The following OR4E2 variants were observed in gnomAD, a reference collection of about 807,000 sequenced individuals.
OR4E2 encodes olfactory receptor family 4 subfamily E member 2, also known as olfactory receptor 4E2.
In OR4E2, 9 loss-of-function variants were observed where a neutral mutation model predicts 11.0. The ratio of observed to expected loss-of-function variants is 0.82; its 90% CI spans 0.49 to 1.43. OR4E2 has a LOEUF of 1.43. OR4E2 is among the 40% of genes most tolerant of loss of function. The probability of loss-of-function intolerance (pLI) is 0.00; values close to 1 mark genes in which losing one functional copy is unlikely to be tolerated. For synonymous variants in OR4E2, 159 were observed against 147.3 expected (o/e 1.08, Z -0.57); for missense variants, 441 against 382.0 (o/e 1.15, Z -1.29).
chr14:21,656,655 T>C (rs1188323439), intron 2 of OR4E2, 66 bp downstream of exon 2: 2 of 152,250 alleles, frequency 1.3e-5, no homozygotes, highest in Non-Finnish European at 1.5e-5. Context: ...TATGCTCATA[T>C]GTACATTACG....
intron 2 of OR4E2, among the ~76,000 whole-genome samples, chr14:21,657,337 GCTTCCTTC>G (rs544921356): frequency 0.048 from 5,365 of 112,446 alleles, 251 homozygotes; most frequent in African/African-American, 0.11. Context: ...GATGTTAAAT[GCTTCCTTC>G]CTTCCTTCCT....
intron 1 of OR4E2, among the ~76,000 whole-genome samples, chr14:21,654,415 T>G (rs368881743): frequency 7.1e-6 from 1 of 141,364 alleles, no homozygotes; most frequent in African/African-American, 2.6e-5. Context: ...CACACACACA[T>G]GCACACACAC....
chr14:21,655,667 T>C (rs945262176), intron 1 of OR4E2, among the ~76,000 whole-genome samples: 3 of 152,272 alleles, frequency 2.0e-5, no homozygotes, highest in Admixed American at 2.0e-4. Context: ...AGCAAGACTC[T>C]GTCCCTAAAA....
chr14:21,660,291 T>C (rs978187779), intron 2 of OR4E2, among the ~76,000 whole-genome samples: 1 of 152,196 alleles, frequency 6.6e-6, no homozygotes, highest in African/African-American at 2.4e-5. Context: ...CAGGTGGTGA[T>C]GCTGAAGCAC....
chr14:21,659,812 T>C (rs1181875296), intron 2 of OR4E2, among the ~76,000 whole-genome samples: 1 of 152,218 alleles, frequency 6.6e-6, no homozygotes, highest in Non-Finnish European at 1.5e-5. Context: ...TTTTAGAATT[T>C]ATATTCTAGC....
chr14:21,657,576 CCCCTT>C (rs76936369), intron 2 of OR4E2, among the ~76,000 whole-genome samples: 10 of 128,822 alleles, frequency 7.8e-5, no homozygotes, highest in African/African-American at 2.0e-4. Context: ...TCTCTCTCTC[CCCCTT>C]CCCTTCCCTT....
At chr14:21,655,737 T>C (rs551874962) in intron 1 of OR4E2, among the ~76,000 whole-genome samples, 1 of 152,268 alleles carries the variant, frequency 6.6e-6, no homozygotes, top group Non-Finnish European at 1.5e-5. Flanking sequence ...TCAAGTTATA[T>C]CCCCTAAAAG....
intron 3 of OR4E2, among the ~76,000 whole-genome samples, chr14:21,661,527 T>C (rs1880326254): frequency 2.6e-5 from 4 of 152,240 alleles, no homozygotes; most frequent in Admixed American, 2.6e-4. Flanking sequence ...TAATCTTGGC[T>C]GCACACTGGA....
At chr14:21,658,251 G>C (rs577853101) in intron 2 of OR4E2, among the ~76,000 whole-genome samples, 1 of 152,218 alleles carries the variant, frequency 6.6e-6, no homozygotes, top group South Asian at 2.1e-4. Context: ...CATTTTATTA[G>C]GGAGATGAAC....
At position 21,665,827 on chromosome 14, in the gene OR4E2, C is replaced by G. The variant is rs1382593164; in HGVS notation, c.745C>G (p.Leu249Val). 1 of 1,612,540 alleles carries G rather than the reference C, an allele frequency of 6.2e-7. No homozygotes were observed. Among genetic ancestry groups the G allele is most frequent in the South Asian group, 1.1e-5 (1 of 90,896 alleles). The stretch of plus-strand genomic sequence containing the variant: ...CTCGGCCCACTTCATGGTGGTTGCC[C>G]TCTTCTTTGGGCCATGTATCTTCAT... ...TCSAHFMVVALFFGPCIFIYT... is the reference protein window; with the variant it reads ...TCSAHFMVVAVFFGPCIFIYT... Residue 249 changes from leucine (L) to valine (V), a missense_variant, in exon 4 of 4, where the codon CTC becomes GTC. Leu to Val is a conservative substitution (Grantham distance 32). Transcript: ENST00000641524.
intron 1 of OR4E2, among the ~76,000 whole-genome samples, chr14:21,655,437 G>A (rs1479452842): frequency 6.6e-6 from 1 of 152,138 alleles, no homozygotes; most frequent in East Asian, 1.9e-4. Flanking sequence ...GGCTGAAGTG[G>A]GAGGATAGCT....
intron 3 of OR4E2, among the ~76,000 whole-genome samples, chr14:21,662,214 A>G (rs1261636193): frequency 1.3e-5 from 2 of 151,990 alleles, no homozygotes; most frequent in Non-Finnish European, 2.9e-5. Flanking sequence ...TAACAGGAGT[A>G]TTCTTTTTTG....
At position 21,665,624 on chromosome 14, in the gene OR4E2, T is replaced by G. The variant is rs868554796; in HGVS notation, c.542T>G (p.Val181Gly). The G allele has an allele frequency of 5.0e-6, 8 of 1,614,024 alleles. No homozygotes were observed. The Middle Eastern group carries it at 4.9e-4, about 99-fold the overall frequency. Residue 181 changes from valine to glycine, a missense_variant, in exon 4 of 4, where the codon GTG becomes GGG. Transcript: ENST00000641524. ...ATTATTGACAGCTACTTCTGTGATG[T>G]GCCTCTTGTTATCAAGCTGGCCTGC... ...PNIIDSYFCD[V>G]PLVIKLACTD...
Position 21,662,306 on chromosome 14 carries a change from TA to T in OR4E2, c.-9+1561del, listed in dbSNP as rs574754781. On this transcript the variant is annotated intron_variant, in intron 3 of 3. Coordinates refer to ENST00000641524, the MANE Select transcript of OR4E2 (RefSeq NM_001001912.3). ...GCACTATATATTTTGTTATTATTAT[TA>T]TTTTTTTCAGACGGAGTCTTGCTCT... Among the ~76,000 whole-genome samples, 14 of 152,196 alleles carry T rather than the reference TA, an allele frequency of 9.2e-5. No homozygotes were observed. The South Asian group carries it at 1.9e-3, about 20-fold the overall frequency.
rs144982037 is a variant in OR4E2, at chr14:21,665,576, G to A, written c.494G>A (p.Arg165His). 825 of 1,614,014 alleles carry A rather than the reference G, an allele frequency of 5.1e-4. No individual in the cohort carries two copies. The highest frequency in any genetic ancestry group is 6.5e-4 in the Non-Finnish European group (770 of 1,179,988). ...HSLGQTFLTI[R>H]LPYCGPNIID... ...CTAGGGCAGACCTTCTTGACTATTC[G>A]TCTACCTTACTGTGGCCCCAACATT... Residue 165 changes from arginine (R) to histidine (H), a missense_variant, in exon 4 of 4, where the codon CGT becomes CAT. Arg to His is a conservative substitution (Grantham distance 29). Transcript: ENST00000641524.
At chr14:21,657,545 T>G (rs199855525) in intron 2 of OR4E2, among the ~76,000 whole-genome samples, 2 of 139,502 alleles carry the variant, frequency 1.4e-5, no homozygotes, top group South Asian at 4.8e-4. Flanking sequence ...TTCTTTCTTT[T>G]TCTGTCTGTC....
At chr14:21,656,341 C>T (rs1377427406) in intron 1 of OR4E2, among the ~76,000 whole-genome samples, 161 bp from the exon 2 acceptor site, 1 of 152,044 alleles carries the variant, frequency 6.6e-6, no homozygotes, top group Non-Finnish European at 1.5e-5. Flanking sequence ...GCCTAGGTGA[C>T]AGAGTGAGAC....
rs1594552119 is a variant in OR4E2, at chr14:21,665,975, T to C, written c.893T>C (p.Met298Thr). The change falls in exon 4 of 4, where the codon ATG (methionine) becomes ACG (threonine). Residue 298 changes from methionine to threonine, a missense_variant. Physicochemically the swap from Met to Thr is moderately conservative, Grantham distance 81. Coordinates refer to ENST00000641524, the MANE Select transcript of OR4E2 (RefSeq NM_001001912.3). ...AGGAATGAGGAGGTAAAAAGTGCCA[T>C]GAAGCAGCTCAGGCAGAGACAAGTT... ...TLRNEEVKSA[M>T]KQLRQRQVFF... The C allele has an allele frequency of 6.2e-7, 1 of 1,614,116 alleles. No individual in the cohort carries two copies. The highest frequency in any genetic ancestry group is 8.5e-7 in the Non-Finnish European group (1 of 1,180,016).
At chr14:21,658,243 T>C (rs1019865521) in intron 2 of OR4E2, among the ~76,000 whole-genome samples, 3 of 152,108 alleles carry the variant, frequency 2.0e-5, no homozygotes, top group Non-Finnish European at 4.4e-5. Flanking sequence ...CTGCATCCCA[T>C]TTTATTAGGG....
Sources: gnomAD v4.1 joint callset for allele counts (sites outside exome capture counted in the v4.1 genomes callset) on GRCh38, gnomAD v4.1.1 for gene constraint, MANE v1.5 for transcripts, NCBI Gene and HGNC (gene_info 2026-07-23, HGNC 2026-07-21) for gene names.